PI4KA: variants seen among roughly 807,000 people sequenced by gnomAD.
The protein encoded by PI4KA is phosphatidylinositol 4-kinase alpha, also known as PI4-kinase alpha.
A neutral mutation model predicts 271.4 loss-of-function variants in PI4KA; 122 were observed. That is an observed-to-expected ratio of 0.45 (90% CI 0.39 to 0.52). PI4KA has a LOEUF of 0.52. PI4KA is among the 20% of genes least tolerant of loss of function. The pLI is 0.00. For missense variants in PI4KA, 1,969 were observed against 2,769.1 expected, an observed-to-expected ratio of 0.71 and a Z score of 6.48; for synonymous variants, 1,041 against 1,078.8, an observed-to-expected ratio of 0.96 and a Z score of 0.69.
chr22:20,857,305 T>C (rs1927718512), intron 1 of PI4KA, among the ~76,000 whole-genome samples: 1 of 152,334 alleles, frequency 6.6e-6, no homozygotes, highest in African/African-American at 2.4e-5. Context: ...CCTCTTTAGC[T>C]AGAAGTCAGG....
rs1927962270 is a variant in PI4KA, at chr22:20,858,616, G to A, written c.110C>T (p.Ser37Leu). 6.7e-7 allele frequency: 1 copy of A among 1,486,214 alleles called. No individual in the cohort carries two copies. Among genetic ancestry groups the A allele is most frequent in the Non-Finnish European group, 8.9e-7 (1 of 1,124,140 alleles). The allele number at this position is 1,486,214 out of a possible 1,614,324, so 92.1% of individuals were successfully genotyped here. Residue 37 changes from serine (S) to leucine (L), a missense_variant, in exon 1 of 55, where the codon TCA becomes TTA. Ser to Leu is a moderately radical substitution (Grantham distance 145). Coordinates refer to ENST00000255882, the MANE Select transcript of PI4KA (RefSeq NM_058004.4). ...SRGFYFNTVL[S>L]LARSLAVQRP... ...CTGCACCGCCAGGGAGCGGGCCAGT[G>A]ACAGGACCGTGTTGAAATAGAAGCC... is the stretch of plus-strand genomic sequence containing the variant.
At chr22:20,760,263 A>G (rs1295415498) in intron 23 of PI4KA, among the ~76,000 whole-genome samples, 2 of 152,236 alleles carry the variant, frequency 1.3e-5, no homozygotes, top group Non-Finnish European at 2.9e-5. Flanking sequence ...TGATTTCATC[A>G]TAATTACAAA....
chr22:20,853,587 G>C (rs1183266402), intron 1 of PI4KA, among the ~76,000 whole-genome samples: 1 of 152,176 alleles, frequency 6.6e-6, no homozygotes, highest in African/African-American at 2.4e-5. Flanking sequence ...GTAGGATTTG[G>C]TTCAAAGGGC....
intron 23 of PI4KA, among the ~76,000 whole-genome samples, chr22:20,758,471 T>C (rs1258828092): frequency 6.8e-6 from 1 of 148,136 alleles, no homozygotes; most frequent in East Asian, 1.9e-4. Flanking sequence ...TTTTTTTTTT[T>C]TTTTTTGCTC....
chr22:20,851,189 A>ATC (rs361941), intron 1 of PI4KA, among the ~76,000 whole-genome samples: 81,751 of 151,140 alleles, frequency 0.54, 23,616 homozygotes, highest in African/African-American at 0.76. Context: ...GTGAGACCCT[A>ATC]TCTATTTTTT....
intron 19 of PI4KA, among the ~76,000 whole-genome samples, chr22:20,786,640 G>A (rs893748058): frequency 6.6e-6 from 1 of 152,118 alleles, no homozygotes; most frequent in Non-Finnish European, 1.5e-5. Flanking sequence ...CAGCCCCCAC[G>A]ACCCTCAGAC....
intron 1 of PI4KA, among the ~76,000 whole-genome samples, chr22:20,858,331 C>A (rs1349076222): frequency 6.6e-6 from 1 of 151,978 alleles, no homozygotes; most frequent in Non-Finnish European, 1.5e-5. Flanking sequence ...ATCCCACAAC[C>A]ACCCACCTGC....
chr22:20,847,085 T>C (rs1261634419), intron 1 of PI4KA, among the ~76,000 whole-genome samples: 7 of 149,322 alleles, frequency 4.7e-5, no homozygotes, highest in African/African-American at 7.4e-5. Context: ...GAGGTGGAGG[T>C]TGCAGTGAGC....
At chr22:20,714,824 G>A (rs1925769904) in intron 45 of PI4KA, 124 bp from the exon 46 acceptor site, 2 of 1,157,172 alleles carry the variant, frequency 1.7e-6, no homozygotes, top group South Asian at 3.2e-5. Flanking sequence ...CTGTGGAGGG[G>A]CCTCTGGTCC....
intron 8 of PI4KA, among the ~76,000 whole-genome samples, chr22:20,813,079 C>T (rs1921277708): frequency 1.3e-5 from 2 of 152,190 alleles, no homozygotes; most frequent in Admixed American, 1.3e-4. Flanking sequence ...AGCTGCTGGC[C>T]TACATATCCA....
At chr22:20,829,113 A>C (rs1289936629) in intron 3 of PI4KA, among the ~76,000 whole-genome samples, 1 of 151,938 alleles carries the variant, frequency 6.6e-6, no homozygotes, top group African/African-American at 2.4e-5. Context: ...TATTGGCCTG[A>C]AGTTTTCTTT....
chr22:20,753,397 T>C (rs1930927188), intron 23 of PI4KA, among the ~76,000 whole-genome samples: 1 of 152,180 alleles, frequency 6.6e-6, no homozygotes, highest in African/African-American at 2.4e-5. Context: ...ATAATCCTAT[T>C]ACCTAAACTT....
chr22:20,738,965 G>C (rs1391049515), intron 32 of PI4KA, among the ~76,000 whole-genome samples: 1 of 150,770 alleles, frequency 6.6e-6, no homozygotes, highest in East Asian at 1.9e-4. Flanking sequence ...CACTTGGGGA[G>C]GCCGAGGCAG....
intron 41 of PI4KA, 110 bp downstream of exon 41, chr22:20,727,120 G>A: frequency 1.1e-6 from 1 of 899,392 alleles, no homozygotes; most frequent in South Asian, 1.6e-5. Context: ...GAAAGGACCA[G>A]TATGTAACGG....
chr22:20,847,625 T>C (rs533261265), intron 1 of PI4KA, among the ~76,000 whole-genome samples: 21 of 152,118 alleles, frequency 1.4e-4, no homozygotes, highest in Non-Finnish European at 2.9e-4. Context: ...CTTGTGCCTG[T>C]AGTCCCAGCT....
intron 19 of PI4KA, among the ~76,000 whole-genome samples, chr22:20,771,572 T>C (rs541257879): frequency 1.1e-3 from 104 of 97,898 alleles, no homozygotes; most frequent in Middle Eastern, 5.7e-3. Flanking sequence ...TGGCTTTATT[T>C]ATTTATTTAT....
chr22:20,843,046 C>T (rs1345459313), intron 1 of PI4KA, among the ~76,000 whole-genome samples: 2 of 142,676 alleles, frequency 1.4e-5, no homozygotes, highest in African/African-American at 2.7e-5. Flanking sequence ...TGTAGTGAGC[C>T]GAGACTGCGC....
chr22:20,785,902 T>G, intron 19 of PI4KA: 1 of 1,502,540 alleles, frequency 6.7e-7, no homozygotes, highest in Non-Finnish European at 9.2e-7. Context: ...GCTATATCAA[T>G]TCTGTGATAA....
At chr22:20,747,825 CT>C in intron 28 of PI4KA, 123 bp from the exon 29 acceptor site, 2 of 876,516 alleles carry the variant, frequency 2.3e-6, no homozygotes, top group Non-Finnish European at 3.5e-6. Context: ...GCCTCGACCT[CT>C]TAGACTCAAG....
Sources: allele counts gnomAD v4.1 joint callset (sites outside exome capture counted in the v4.1 genomes callset), GRCh38; gene constraint gnomAD v4.1.1; transcripts MANE v1.5; gene names NCBI Gene and HGNC (gene_info 2026-07-23, HGNC 2026-07-21).